The following SEPTIN9 variants were observed in gnomAD, a reference collection of about 807,000 sequenced individuals.
The protein encoded by SEPTIN9 is septin-9.
In SEPTIN9, 13 loss-of-function variants were observed where a neutral mutation model predicts 56.6. The observed-to-expected ratio is 0.23, with a 90% CI of 0.15 to 0.37. SEPTIN9 has a LOEUF of 0.37. SEPTIN9 is among the 10% of genes least tolerant of loss of function. SEPTIN9 has a pLI of 1.00. For missense variants in SEPTIN9, 650 were observed against 823.1 expected (o/e 0.79, Z 2.57); for synonymous variants, 332 against 334.1 (o/e 0.99, Z 0.07).
At chr17:77,355,981 C>CAA (rs766969712) in intron 2 of SEPTIN9, among the ~76,000 whole-genome samples, 5 of 92,412 alleles carry the variant, frequency 5.4e-5, no homozygotes, top group African/African-American at 1.7e-4. Context: ...GACTCCGTCT[C>CAA]AAAAAAAAAA....
At chr17:77,480,888 G>A (rs1439859844) in intron 3 of SEPTIN9, among the ~76,000 whole-genome samples, 3 of 152,178 alleles carry the variant, frequency 2.0e-5, no homozygotes, top group African/African-American at 7.2e-5. Flanking sequence ...GCAGGGACGG[G>A]GGCACAGAAC....
intron 2 of SEPTIN9, among the ~76,000 whole-genome samples, chr17:77,354,013 A>G (rs402357): frequency 0.55 from 82,979 of 151,728 alleles, 22,926 homozygotes; most frequent in Admixed American, 0.59. Flanking sequence ...ACAAGGCTCC[A>G]GCCTCGGCAG....
At chr17:77,479,602 A>T (rs919746275) in intron 3 of SEPTIN9, among the ~76,000 whole-genome samples, 5 of 152,078 alleles carry the variant, frequency 3.3e-5, no homozygotes, top group African/African-American at 1.2e-4. Flanking sequence ...GGTGGGCAGG[A>T]TGTTTGGTTT....
chr17:77,313,472 C>T lies in SEPTIN9; in HGVS notation c.76+6275C>T, dbSNP rs138870418. 4.2e-4 allele frequency among the ~76,000 whole-genome samples: 64 copies of T among 152,318 alleles called. No homozygotes were observed. Among genetic ancestry groups the T allele is most frequent in the African/African-American group, 1.5e-3 (62 of 41,574 alleles). On this transcript the variant is annotated intron_variant, in intron 2 of 11. Coordinates refer to ENST00000427177, the MANE Select transcript of SEPTIN9 (RefSeq NM_001113491.2). This position sits in a 1 kb window ranked among gnomAD's most constrained non-coding sequence, Gnocchi z 4.5. ...GTATTTATTTAGGAACAGCCAAAGT[C>T]TGAGGCACAATAAAAAGTGGAGAAA...
rs1219319237 is a variant in SEPTIN9, at chr17:77,498,548, A to G, written c.1651A>G (p.Ile551Val). Residue 551 changes from isoleucine (I) to valine (V), a missense_variant, in exon 12 of 12, where the codon ATC becomes GTC. Coordinates refer to ENST00000427177, the MANE Select transcript of SEPTIN9 (RefSeq NM_001113491.2). ...IRTHMQNIKD[I>V]TSSIHFEAYR... is the part of the protein sequence containing the mutation. The stretch of plus-strand genomic sequence containing the variant: ...GACGCACATGCAGAACATCAAGGAC[A>G]TCACCAGCAGCATCCACTTCGAGGC... The G allele has an allele frequency of 7.0e-7, 1 of 1,428,828 alleles. No homozygotes were observed. The allele number at this position is 1,428,828 out of a possible 1,614,324, so 88.5% of individuals were successfully genotyped here.
At position 77,492,131 on chromosome 17, in the gene SEPTIN9, A is replaced by C. The variant is rs1309938600; in HGVS notation, c.1381-490A>C. 2.0e-5 allele frequency among the ~76,000 whole-genome samples: 3 copies of C among 152,162 alleles called. No individual in the cohort carries two copies. Among genetic ancestry groups the C allele is most frequent in the Non-Finnish European group, 4.4e-5 (3 of 68,024 alleles). On this transcript the variant is annotated intron_variant, in intron 8 of 11. Transcript: ENST00000427177. This position sits in a 1 kb window ranked among gnomAD's most constrained non-coding sequence, Gnocchi z 5.4. ...CACACAAAGTGGGTGTGTCTGCCGGAGGCTACACACGGGCTGTGGTCTGTG... is the reference window on the plus strand; with the variant it reads ...CACACAAAGTGGGTGTGTCTGCCGGCGGCTACACACGGGCTGTGGTCTGTG...
At chr17:77,356,685 C>A (rs1598245407) in intron 2 of SEPTIN9, among the ~76,000 whole-genome samples, 1 of 31,230 alleles carries the variant, frequency 3.2e-5, no homozygotes, top group African/African-American at 1.5e-4. Flanking sequence ...TCCCCTCCCC[C>A]CCCACATGCA....
intron 3 of SEPTIN9, among the ~76,000 whole-genome samples, chr17:77,406,011 C>T (rs1307678708): frequency 6.6e-6 from 1 of 152,216 alleles, no homozygotes; most frequent in Non-Finnish European, 1.5e-5. Context: ...ACGCCCAGCC[C>T]CTTGGCTTCT....
At chr17:77,498,384 G>A (rs1458278470) in intron 11 of SEPTIN9, 139 bp from the exon 12 acceptor site, 4 of 645,390 alleles carry the variant, frequency 6.2e-6, no homozygotes, top group African/African-American at 1.8e-5. Flanking sequence ...GACCCCATGG[G>A]GAGCCAAGCA....
In SEPTIN9 at chr17:77,481,162, G is replaced by A. The variant is rs549902338; in HGVS notation, c.722-982G>A. On this transcript the variant is annotated intron_variant, in intron 3 of 11. Transcript: ENST00000427177. Reference sequence around the variant, plus strand: ...CTCAGCAGGCGTCTTCCGGGCGTCCGCCCCCAGCCCCAGGCCTCTGACCCG... The same window carrying A: ...CTCAGCAGGCGTCTTCCGGGCGTCCACCCCCAGCCCCAGGCCTCTGACCCG... Among the ~76,000 whole-genome samples, 44 of 152,326 alleles carry A rather than the reference G, an allele frequency of 2.9e-4. 2 individuals are homozygous for A. The South Asian group carries it at 8.3e-3, about 29-fold the overall frequency.
intron 3 of SEPTIN9, among the ~76,000 whole-genome samples, chr17:77,417,085 CT>C (rs1210159125): frequency 6.6e-6 from 1 of 152,216 alleles, no homozygotes. Context: ...TAACCTGTGG[CT>C]TTGGGCCAAT....
intron 1 of SEPTIN9, among the ~76,000 whole-genome samples, chr17:77,297,458 GAC>G (rs2031867978): frequency 1.3e-5 from 2 of 152,154 alleles, no homozygotes; most frequent in Non-Finnish European, 2.9e-5. Context: ...CACCCTCACA[GAC>G]ACACCCAGAA....
chr17:77,395,783 G>A (rs1196698835), intron 2 of SEPTIN9, among the ~76,000 whole-genome samples: 3 of 152,028 alleles, frequency 2.0e-5, no homozygotes, highest in Non-Finnish European at 2.9e-5. Flanking sequence ...TAATATTCTC[G>A]GCATTTCTCA....
At chr17:77,430,345 C>T (rs185284514) in intron 3 of SEPTIN9, among the ~76,000 whole-genome samples, 203 of 152,304 alleles carry the variant, frequency 1.3e-3, no homozygotes, top group African/African-American at 4.6e-3. Flanking sequence ...ACACCCCCAG[C>T]GGCTCCCTCC....
intron 2 of SEPTIN9, among the ~76,000 whole-genome samples, chr17:77,388,497 G>T (rs986270762): frequency 2.6e-5 from 4 of 152,186 alleles, no homozygotes; most frequent in African/African-American, 7.2e-5. Flanking sequence ...GTAGGTTCAC[G>T]TGGGGGCTCT....
rs904891199 is a variant in SEPTIN9 at position 77,421,446 on chromosome 17, G to C, written c.721+18743G>C. 2.0e-5 allele frequency among the ~76,000 whole-genome samples: 3 copies of C among 152,170 alleles called. No homozygotes were observed. The highest frequency in any genetic ancestry group is 7.2e-5 in the African/African-American group (3 of 41,442). On this transcript the variant is annotated intron_variant, in intron 3 of 11. Transcript: ENST00000427177. This position sits in a 1 kb window ranked among gnomAD's most constrained non-coding sequence, Gnocchi z 4.6. ...GGGAAAGTCAACAGGAAGTCTTTTG[G>C]CTGCGGTGGAGGTGGGGGTCTGTGC...
At chr17:77,281,720 G>T in intron 1 of SEPTIN9, 166 bp downstream of exon 1, 2 of 619,434 alleles carry the variant, frequency 3.2e-6, no homozygotes, top group Non-Finnish European at 5.3e-6. Context: ...CTGTCGGGCC[G>T]CTTTCGACCT....
At chr17:77,494,287 G>A (rs371637162) in intron 10 of SEPTIN9, among the ~76,000 whole-genome samples, 4 of 152,230 alleles carry the variant, frequency 2.6e-5, no homozygotes, top group African/African-American at 4.8e-5. Flanking sequence ...CACTCCTGGC[G>A]GTGACACCCC....
chr17:77,349,216 A>G (rs1163745979), intron 2 of SEPTIN9, among the ~76,000 whole-genome samples: 5 of 152,112 alleles, frequency 3.3e-5, no homozygotes, highest in Non-Finnish European at 7.4e-5. Flanking sequence ...TCCCGGGCTC[A>G]AACGATTCTC....
Sources: allele counts gnomAD v4.1 joint callset (sites outside exome capture counted in the v4.1 genomes callset), GRCh38; gene constraint gnomAD v4.1.1; non-coding constraint Gnocchi (gnomAD v3.1); transcripts MANE v1.5; gene names NCBI Gene and HGNC (gene_info 2026-07-23, HGNC 2026-07-21).